The following CACNB2 variants were observed in gnomAD, a reference collection of about 807,000 sequenced individuals.
CACNB2 encodes voltage-dependent L-type calcium channel subunit beta-2.
CACNB2 carries 42 observed loss-of-function variants against 73.3 expected under a neutral mutation model. The ratio of observed to expected loss-of-function variants is 0.57; its 90% CI spans 0.45 to 0.74. The LOEUF (loss-of-function observed/expected upper bound fraction) is 0.74, where lower values mean the gene tolerates loss of function less well. CACNB2 is among the 30% of genes least tolerant of loss of function. CACNB2 has a pLI of 0.00. For synonymous variants in CACNB2, 348 were observed against 310.3 expected (o/e 1.12, Z -1.28); for missense variants, 940 against 853.0 (o/e 1.10, Z -1.27).
chr10:18,335,848 T>C (rs1011302728), intron 2 of CACNB2, among the ~76,000 whole-genome samples: 1 of 150,692 alleles, frequency 6.6e-6, no homozygotes, highest in Admixed American at 6.6e-5. Flanking sequence ...TATTTAGTAG[T>C]AGAAAATTTA....
Position 18,201,671 on chromosome 10 carries a change from G to A in CACNB2, c.213+50696G>A, listed in dbSNP as rs189790842. On this transcript the variant is annotated intron_variant, in intron 2 of 13. Coordinates refer to ENST00000324631, the MANE Select transcript of CACNB2 (RefSeq NM_201596.3). ...AATATAGAAATGATCAGATTAGGGC[G>A]ATAGCATATCCGTTTTCTTGAACAC... is the stretch of plus-strand genomic sequence containing the variant. Among the ~76,000 whole-genome samples, 33 of 152,246 alleles carry A rather than the reference G, an allele frequency of 2.2e-4. 1 individual carries two copies. The highest frequency in any genetic ancestry group is 1.2e-3 in the Admixed American group (18 of 15,284).
At chr10:18,181,441 A>G (rs1449957290) in intron 2 of CACNB2, among the ~76,000 whole-genome samples, 1 of 152,098 alleles carries the variant, frequency 6.6e-6, no homozygotes, top group Non-Finnish European at 1.5e-5. Flanking sequence ...GGAACTTGGT[A>G]CCCTTCCTTA....
intron 2 of CACNB2, among the ~76,000 whole-genome samples, chr10:18,163,872 G>T (rs774868288): frequency 2.0e-5 from 3 of 152,172 alleles, no homozygotes; most frequent in African/African-American, 7.2e-5. Context: ...TTGGTTGACT[G>T]TGTAATCTAC....
At chr10:18,514,982 G>C (rs1027424438) in intron 7 of CACNB2, 4 of 1,612,530 alleles carry the variant, frequency 2.5e-6, no homozygotes, top group Non-Finnish European at 3.4e-6. Flanking sequence ...TCCACTAGGT[G>C]CAAAATCTGC....
intron 3 of CACNB2, among the ~76,000 whole-genome samples, chr10:18,430,497 G>T (rs562196347): frequency 7.9e-5 from 12 of 152,194 alleles, no homozygotes; most frequent in African/African-American, 2.9e-4. Flanking sequence ...GGGTGTGGTG[G>T]TGGAGGCCTA....
intron 2 of CACNB2, among the ~76,000 whole-genome samples, chr10:18,249,323 T>C (rs1317996992): frequency 1.3e-5 from 2 of 152,210 alleles, no homozygotes; most frequent in African/African-American, 4.8e-5. Flanking sequence ...GCTCCTACAA[T>C]TATCTGTGAT....
At chr10:18,370,522 A>G (rs2042536463) in intron 2 of CACNB2, among the ~76,000 whole-genome samples, 1 of 151,996 alleles carries the variant, frequency 6.6e-6, no homozygotes, top group Non-Finnish European at 1.5e-5. Context: ...CTGGTCTCGA[A>G]CTCCTAGACT....
chr10:18,170,118 C>G (rs2033126696), intron 2 of CACNB2, among the ~76,000 whole-genome samples: 1 of 152,202 alleles, frequency 6.6e-6, no homozygotes, highest in Non-Finnish European at 1.5e-5. Flanking sequence ...GGCTGGGGAT[C>G]TGTGACCCAC....
intron 2 of CACNB2, among the ~76,000 whole-genome samples, chr10:18,384,798 TAA>T (rs200615491): frequency 7.2e-6 from 1 of 139,084 alleles, no homozygotes; most frequent in Non-Finnish European, 1.6e-5. Context: ...ATGAACATGG[TAA>T]AAAAAAAAAA....
chr10:18,365,469 GC>G (rs1035564841), intron 2 of CACNB2, among the ~76,000 whole-genome samples: 2 of 152,020 alleles, frequency 1.3e-5, no homozygotes, highest in African/African-American at 4.8e-5. Flanking sequence ...TATTCCAAAT[GC>G]CACCCAAGTT....
intron 2 of CACNB2, among the ~76,000 whole-genome samples, chr10:18,224,539 G>A (rs1340200116): frequency 6.6e-6 from 1 of 152,158 alleles, no homozygotes; most frequent in Admixed American, 6.5e-5. Flanking sequence ...GGTTGGGACA[G>A]ATGCTCATAT....
At chr10:18,295,861 A>T (rs2039256376) in intron 2 of CACNB2, among the ~76,000 whole-genome samples, 1 of 152,186 alleles carries the variant, frequency 6.6e-6, no homozygotes, top group Admixed American at 6.5e-5. Flanking sequence ...AGACGATGAG[A>T]CATTGACTCA....
chr10:18,462,990 C>A (rs1223422419), intron 3 of CACNB2, among the ~76,000 whole-genome samples: 3 of 152,156 alleles, frequency 2.0e-5, no homozygotes, highest in African/African-American at 7.2e-5. Context: ...AACTCCTGAC[C>A]TCATGGTCCA....
intron 5 of CACNB2, among the ~76,000 whole-genome samples, chr10:18,502,091 G>A (rs1162818956): frequency 6.6e-6 from 1 of 152,186 alleles, no homozygotes; most frequent in Non-Finnish European, 1.5e-5. Context: ...CAGATCACCT[G>A]AGGTCAGGAG....
intron 3 of CACNB2, among the ~76,000 whole-genome samples, chr10:18,482,133 A>G (rs1416338509): frequency 1.3e-5 from 2 of 152,114 alleles, no homozygotes; most frequent in African/African-American, 4.8e-5. Flanking sequence ...GCCTCAAGCA[A>G]TCCATCTCGG....
rs75952455 is a variant in CACNB2, at chr10:18,215,242, C to G, written c.213+64267C>G. 2.7e-3 allele frequency among the ~76,000 whole-genome samples: 416 copies of G among 152,278 alleles called. 1 individual carries two copies. Among genetic ancestry groups the G allele is most frequent in the African/African-American group, 9.5e-3 (393 of 41,560 alleles). The stretch of plus-strand genomic sequence containing the variant: ...TAGCCTACAAACTCAGTTATTTCAT[C>G]CAGGGCCTGAATTTTACCATTTTTG... On this transcript the variant is annotated intron_variant, in intron 2 of 13. Coordinates refer to ENST00000324631, the MANE Select transcript of CACNB2 (RefSeq NM_201596.3).
At chr10:18,152,311 A>G (rs79172000) in intron 2 of CACNB2, among the ~76,000 whole-genome samples, 6,853 of 152,214 alleles carry the variant, frequency 0.045, 213 homozygotes, top group Middle Eastern at 0.11. Context: ...CCAATTGGGA[A>G]TTGTTGTGGT....
chr10:18,140,748 G>A lies in CACNB2; in HGVS notation c.12G>A (p.Arg4=), dbSNP rs555435660. 1.9e-6 allele frequency: 3 copies of A among 1,594,918 alleles called. No individual in the cohort carries two copies. Among genetic ancestry groups the A allele is most frequent in the South Asian group, 2.3e-5 (2 of 87,828 alleles). Residue 4 remains arginine, a synonymous_variant, in exon 1 of 14, where the codon AGG becomes AGA. Coordinates refer to ENST00000324631, the MANE Select transcript of CACNB2 (RefSeq NM_201596.3). ...CCGACTTTTCGCCAATGGTCCAAAG[G>A]GACATGTCCAAGTCGCCTCCCACAG... MVQ[R]DMSKSPPTAA...
In CACNB2 at chr10:18,259,564, C is replaced by CA. The variant is rs1175522949; in HGVS notation, c.213+108600dup. On this transcript the variant is annotated intron_variant, in intron 2 of 13. Transcript: ENST00000324631. ...TACTGAAAAAAAAACAAAAAACAAA[C>CA]AAAAAAAAAAAGTAAAAGTAGCCAG... is the stretch of plus-strand genomic sequence containing the variant. Among the ~76,000 whole-genome samples the CA allele has an allele frequency of 3.8e-3, 474 of 124,708 alleles. 18 individuals carry two copies. Among genetic ancestry groups the CA allele is most frequent in the African/African-American group, 0.013 (427 of 31,924 alleles). 81.8% of individuals were successfully genotyped at this position (124,708 alleles called of 152,430 possible).
Sources: gnomAD v4.1 joint callset for allele counts (sites outside exome capture counted in the v4.1 genomes callset) on GRCh38, gnomAD v4.1.1 for gene constraint, MANE v1.5 for transcripts, NCBI Gene and HGNC (gene_info 2026-07-23, HGNC 2026-07-21) for gene names.